Variants in CDK14 observed in about 807,000 individuals in gnomAD.
The protein encoded by CDK14 is cyclin-dependent kinase 14.
A neutral mutation model predicts 60.7 loss-of-function variants in CDK14; 34 were observed. That is an observed-to-expected ratio of 0.56 (90% CI 0.43 to 0.75). The LOEUF is 0.75. Ranked by LOEUF, CDK14 falls within the 30% of genes least tolerant of loss-of-function variation. The pLI is 0.00. For synonymous variants in CDK14, 197 were observed against 203.7 expected (o/e 0.97, Z 0.28); for missense variants, 482 against 564.1 (o/e 0.85, Z 1.47).
intron 12 of CDK14, among the ~76,000 whole-genome samples, chr7:91,112,059 A>G (rs10230423): frequency 6.6e-6 from 1 of 152,212 alleles, no homozygotes; most frequent in Non-Finnish European, 1.5e-5. Context: ...TGTTTCAGTA[A>G]TGTTAATTCA....
chr7:90,847,163 G>T (rs905697611), intron 5 of CDK14, among the ~76,000 whole-genome samples: 6 of 152,170 alleles, frequency 3.9e-5, no homozygotes, highest in Admixed American at 1.3e-4. Flanking sequence ...CTACTCCAGA[G>T]CTAACCTACG....
At chr7:90,657,643 A>C (rs1308841430) in intron 2 of CDK14, among the ~76,000 whole-genome samples, 1 of 152,154 alleles carries the variant, frequency 6.6e-6, no homozygotes, top group Admixed American at 6.6e-5. Context: ...AATTTTAATG[A>C]ATTCAGATAA....
chr7:91,048,177 C>G (rs1282171822), intron 11 of CDK14, among the ~76,000 whole-genome samples: 1 of 152,150 alleles, frequency 6.6e-6, no homozygotes, highest in Non-Finnish European at 1.5e-5. Flanking sequence ...AACCACTGAC[C>G]CCACCACAGG....
At chr7:90,851,288 T>C (rs1584044507) in intron 5 of CDK14, among the ~76,000 whole-genome samples, 1 of 152,150 alleles carries the variant, frequency 6.6e-6, no homozygotes, top group Non-Finnish European at 1.5e-5. Context: ...GGTGAATCAA[T>C]CACCCTGTGT....
At chr7:90,967,977 T>C (rs1191910277) in intron 9 of CDK14, among the ~76,000 whole-genome samples, 2 of 152,232 alleles carry the variant, frequency 1.3e-5, no homozygotes, top group African/African-American at 4.8e-5. Context: ...TACAAGGATA[T>C]CTACTTCATA....
chr7:90,937,178 T>C (rs1196895367), intron 8 of CDK14, among the ~76,000 whole-genome samples: 1 of 152,236 alleles, frequency 6.6e-6, no homozygotes, highest in African/African-American at 2.4e-5. Flanking sequence ...TCTCAAATTC[T>C]ACATTGTTGT....
intron 4 of CDK14, among the ~76,000 whole-genome samples, chr7:90,753,250 C>A (rs1803918617): frequency 6.6e-6 from 1 of 152,156 alleles, no homozygotes; most frequent in South Asian, 2.1e-4. Flanking sequence ...AAAATACCAG[C>A]AAACCAAATC....
chr7:90,639,517 G>T (rs879753283), intron 2 of CDK14, among the ~76,000 whole-genome samples: 4 of 152,038 alleles, frequency 2.6e-5, no homozygotes, highest in African/African-American at 4.8e-5. Flanking sequence ...ACCTGGCCGT[G>T]TGAGGTGTCA....
intron 14 of CDK14, among the ~76,000 whole-genome samples, chr7:91,189,278 A>G (rs564538254): frequency 2.0e-5 from 3 of 152,320 alleles, no homozygotes; most frequent in South Asian, 4.1e-4. Context: ...AAATATTACT[A>G]TCTCACAAGT....
At chr7:91,119,859 A>G (rs1040926522) in intron 14 of CDK14, among the ~76,000 whole-genome samples, 1 of 152,144 alleles carries the variant, frequency 6.6e-6, no homozygotes, top group Non-Finnish European at 1.5e-5. Context: ...TTCATTCTTC[A>G]TGTTATTTCT....
chr7:90,938,917 G>A (rs181845840), intron 8 of CDK14, among the ~76,000 whole-genome samples: 1 of 152,150 alleles, frequency 6.6e-6, no homozygotes, highest in Admixed American at 6.5e-5. Context: ...GAGTAATTTT[G>A]TGTCCATGAT....
chr7:90,740,784 T>C (rs1259257403), intron 3 of CDK14, among the ~76,000 whole-genome samples: 2 of 152,212 alleles, frequency 1.3e-5, no homozygotes, highest in South Asian at 4.1e-4. Flanking sequence ...TTTCTCATAC[T>C]GAGTGCTAGC....
At chr7:90,709,882 C>G in intron 2 of CDK14, 1 of 1,323,118 alleles carries the variant, frequency 7.6e-7, no homozygotes, top group Non-Finnish European at 9.7e-7. Context: ...TGAGCCTGGC[C>G]TGGTGCAAAC....
intron 11 of CDK14, among the ~76,000 whole-genome samples, chr7:91,077,874 A>G (rs1798370456): frequency 6.6e-6 from 1 of 152,144 alleles, no homozygotes; most frequent in Admixed American, 6.5e-5. Flanking sequence ...ATCCAATATT[A>G]AATTTGGTAC....
chr7:90,939,910 C>T (rs531703645), intron 8 of CDK14, among the ~76,000 whole-genome samples: 23 of 152,228 alleles, frequency 1.5e-4, no homozygotes, highest in Admixed American at 1.5e-3. Flanking sequence ...TAACTCACTC[C>T]TGCCAGCCAC....
At chr7:90,730,709 TC>T (rs1406355709) in intron 3 of CDK14, among the ~76,000 whole-genome samples, 13 of 152,196 alleles carry the variant, frequency 8.5e-5, no homozygotes, top group African/African-American at 3.1e-4. Flanking sequence ...TTTTCTTTTT[TC>T]TCTTGTAAAT....
intron 9 of CDK14, among the ~76,000 whole-genome samples, chr7:90,964,371 G>A (rs1794695841): frequency 6.6e-6 from 1 of 152,152 alleles, no homozygotes; most frequent in African/African-American, 2.4e-5. Context: ...AAAACATATG[G>A]AAAACCTAGG....
chr7:90,775,868 A>G (rs1395349060), intron 4 of CDK14, among the ~76,000 whole-genome samples: 1 of 146,606 alleles, frequency 6.8e-6, no homozygotes, highest in East Asian at 2.0e-4. Context: ...TCCTTTCTTC[A>G]TAGTTTTCAG....
At chr7:91,097,803 A>C (rs912131619) in intron 12 of CDK14, among the ~76,000 whole-genome samples, 2 of 152,172 alleles carry the variant, frequency 1.3e-5, no homozygotes, top group Non-Finnish European at 2.9e-5. Flanking sequence ...GGGAGATCAC[A>C]TGTGAAAAAC....
Sources: allele counts gnomAD v4.1 joint callset (sites outside exome capture counted in the v4.1 genomes callset), GRCh38; gene constraint gnomAD v4.1.1; transcripts MANE v1.5; gene names NCBI Gene and HGNC (gene_info 2026-07-23, HGNC 2026-07-21).